CALN1: variants seen among roughly 807,000 people sequenced by gnomAD.
The protein encoded by CALN1 is calcium-binding protein 8.
CALN1 carries 17 observed loss-of-function variants against 30.6 expected under a neutral mutation model. The observed-to-expected ratio is 0.56, with a 90% confidence interval of 0.38 to 0.83. The LOEUF is 0.83. Ranked by LOEUF, CALN1 falls within the 40% of genes least tolerant of loss-of-function variation. The pLI is 0.00. For synonymous variants in CALN1, 156 were observed against 131.4 expected, an observed-to-expected ratio of 1.19 and a Z score of -1.28; for missense variants, 291 against 354.9, an observed-to-expected ratio of 0.82 and a Z score of 1.45.
the CALN1 span, among the ~76,000 whole-genome samples, chr7:72,501,960 T>C: frequency 8.6e-6 from 1 of 116,700 alleles, no homozygotes; most frequent in Non-Finnish European, 1.7e-5. Flanking sequence ...CACACATATA[T>C]ATATATAAAT....
chr7:72,307,236 A>G (rs1443021580), intron 2 of CALN1, among the ~76,000 whole-genome samples: 1 of 152,236 alleles, frequency 6.6e-6, no homozygotes, highest in Non-Finnish European at 1.5e-5. Flanking sequence ...AATGAATAGT[A>G]TGTAAATTAG....
chr7:72,477,508 C>G, the CALN1 span, among the ~76,000 whole-genome samples: 1 of 152,124 alleles, frequency 6.6e-6, no homozygotes, highest in Admixed American at 6.5e-5. Context: ...GCCTTGAACT[C>G]CTGGGCTCAA....
rs1017254684 is a variant in CALN1 at position 72,309,555 on chromosome 7, G to A, written c.120-30745C>T. On this transcript the variant is annotated intron_variant, in intron 2 of 6. Coordinates refer to ENST00000395275, the MANE Select transcript of CALN1 (RefSeq NM_031468.4). The stretch of plus-strand genomic sequence containing the variant: ...CGGGACTCAAGGAACGGCAACATGC[G>A]TGACCAAGGGAGGGAAGCCACCTTC... 2.6e-5 allele frequency among the ~76,000 whole-genome samples: 4 copies of A among 152,108 alleles called. No homozygotes were observed. The East Asian group carries it at 5.8e-4, about 22-fold the overall frequency.
chr7:72,025,022 G>A (rs1187140297), intron 4 of CALN1, among the ~76,000 whole-genome samples: 1 of 152,018 alleles, frequency 6.6e-6, no homozygotes, highest in Non-Finnish European at 1.5e-5. Flanking sequence ...TTAAAACCAT[G>A]TATCCTGGCC....
chr7:72,263,298 T>C (rs1796391755), intron 3 of CALN1, among the ~76,000 whole-genome samples: 1 of 152,202 alleles, frequency 6.6e-6, no homozygotes, highest in Non-Finnish European at 1.5e-5. Flanking sequence ...GTATATATTA[T>C]TATCCACATG....
chr7:72,173,635 T>G lies in CALN1; in HGVS notation c.245-67341A>C, dbSNP rs187577208. ...CAGAGTCAAGAAATAGAGATACATA[T>G]AAATGGATATTTTACAAAGGTGCTA... On this transcript the variant is annotated intron_variant, in intron 3 of 6. Coordinates refer to ENST00000395275, the MANE Select transcript of CALN1 (RefSeq NM_031468.4). Among the ~76,000 whole-genome samples, 4 of 152,270 alleles carry G rather than the reference T, an allele frequency of 2.6e-5. No homozygotes were observed. In the East Asian group the frequency reaches 7.7e-4, roughly 29 times the overall value.
At chr7:72,140,062 G>C (rs1457189123) in intron 3 of CALN1, among the ~76,000 whole-genome samples, 1 of 151,906 alleles carries the variant, frequency 6.6e-6, no homozygotes, top group African/African-American at 2.4e-5. Context: ...CTTCAGGCCA[G>C]GAGTTTGAAA....
chr7:71,895,514 G>A (rs1793487422), intron 5 of CALN1, among the ~76,000 whole-genome samples: 1 of 152,058 alleles, frequency 6.6e-6, no homozygotes, highest in African/African-American at 2.4e-5. Context: ...TCTGCTTTTG[G>A]TAGAAGCACC....
rs1371009704 is a variant in CALN1 at position 72,252,911 on chromosome 7, A to G, written c.244+25775T>C. 2.0e-5 allele frequency among the ~76,000 whole-genome samples: 3 copies of G among 152,186 alleles called. No homozygotes were observed. In the South Asian group the frequency reaches 6.2e-4, roughly 32 times the overall value. On this transcript the variant is annotated intron_variant, in intron 3 of 6. Transcript: ENST00000395275. ...GTGCTTCAAACATTGTAGGCACTCAATCAACATTTGTGAATGAATGAGCAA... is the reference window on the plus strand; with the variant it reads ...GTGCTTCAAACATTGTAGGCACTCAGTCAACATTTGTGAATGAATGAGCAA...
rs544646921 is a variant in CALN1, at chr7:71,970,407, C to T, written c.501+53250G>A. Among the ~76,000 whole-genome samples the T allele has an allele frequency of 4.1e-4, 62 of 152,204 alleles. 2 individuals are homozygous for T. The highest frequency in any genetic ancestry group is 1.2e-4 in the Non-Finnish European group (8 of 68,020). On this transcript the variant is annotated intron_variant, in intron 5 of 6. Coordinates refer to ENST00000395275, the MANE Select transcript of CALN1 (RefSeq NM_031468.4). ...CTAAGCAAACACCCTCATTTTCTTACTTATCAACTTACGTTATTATATTAA... is the reference window on the plus strand; with the variant it reads ...CTAAGCAAACACCCTCATTTTCTTATTTATCAACTTACGTTATTATATTAA...
chr7:71,938,776 C>T lies in CALN1; in HGVS notation c.501+84881G>A, dbSNP rs374383005. ...CGCCACTCCAGCCTGGGCGATAGAA[C>T]GAAACTCTGTCTGAAAAAACAAACA... On this transcript the variant is annotated intron_variant, in intron 5 of 6. Transcript: ENST00000395275. Among the ~76,000 whole-genome samples the T allele has an allele frequency of 1.2e-4, 18 of 152,074 alleles. No homozygotes were observed. The East Asian group carries it at 2.3e-3, about 20-fold the overall frequency.
At chr7:72,399,270 C>CTT (rs5884888) in intron 2 of CALN1, among the ~76,000 whole-genome samples, 1,465 of 106,758 alleles carry the variant, frequency 0.014, 116 homozygotes, top group African/African-American at 0.042. Flanking sequence ...TAACCTATTG[C>CTT]TTTTTTTTTT....
intron 2 of CALN1, among the ~76,000 whole-genome samples, chr7:72,378,578 G>A (rs934246634): frequency 4.6e-5 from 7 of 152,010 alleles, no homozygotes; most frequent in Non-Finnish European, 7.4e-5. Flanking sequence ...TTACCGGCAC[G>A]TAAGTCCTTT....
intron 5 of CALN1, among the ~76,000 whole-genome samples, chr7:71,848,630 C>T (rs1790457110): frequency 6.6e-6 from 1 of 152,052 alleles, no homozygotes; most frequent in Non-Finnish European, 1.5e-5. Flanking sequence ...CACACACATA[C>T]ACACACATAA....
chr7:72,174,529 G>A (rs571906388), intron 3 of CALN1, among the ~76,000 whole-genome samples: 2 of 152,090 alleles, frequency 1.3e-5, no homozygotes, highest in African/African-American at 2.4e-5. Context: ...ACAGGTGGAT[G>A]GATAAATTGT....
Position 72,317,264 on chromosome 7 carries a change from G to A in CALN1, c.120-38454C>T, listed in dbSNP as rs76420817. On this transcript the variant is annotated intron_variant, in intron 2 of 6. Coordinates refer to ENST00000395275, the MANE Select transcript of CALN1 (RefSeq NM_031468.4). ...AAGGAAGGAGAGAGAAGGGGGGGAC[G>A]GAGGGAGGGAGGAAGGGAAGGGAAG... Among the ~76,000 whole-genome samples, 17 of 144,262 alleles carry A rather than the reference G, an allele frequency of 1.2e-4. No individual in the cohort carries two copies. In the South Asian group the frequency reaches 2.8e-3, roughly 24 times the overall value. The allele number at this position is 144,262 out of a possible 152,430, so 94.6% of individuals were successfully genotyped here.
chr7:71,978,422 C>A (rs1010605671), intron 5 of CALN1, among the ~76,000 whole-genome samples: 1 of 151,598 alleles, frequency 6.6e-6, no homozygotes, highest in Non-Finnish European at 1.5e-5. Flanking sequence ...CAGGCACCCC[C>A]CCACCACGCC....
At chr7:72,293,320 G>A (rs1003664599) in intron 2 of CALN1, among the ~76,000 whole-genome samples, 19 of 152,134 alleles carry the variant, frequency 1.2e-4, no homozygotes, top group African/African-American at 4.3e-4. Flanking sequence ...ATCTAGCACC[G>A]TGGTAGGGGC....
chr7:71,788,803 G>T (rs183152051), intron 6 of CALN1, among the ~76,000 whole-genome samples: 2,706 of 151,844 alleles, frequency 0.018, 81 homozygotes, highest in African/African-American at 0.062. Flanking sequence ...GACTATAGGC[G>T]CCCGCCACCA....
Sources: allele counts gnomAD v4.1 joint callset (sites outside exome capture counted in the v4.1 genomes callset), GRCh38; gene constraint gnomAD v4.1.1; transcripts MANE v1.5; gene names NCBI Gene and HGNC (gene_info 2026-07-23, HGNC 2026-07-21).